The following BMAL2 variants were observed in gnomAD, a reference collection of about 807,000 sequenced individuals.
BMAL2 encodes basic helix-loop-helix ARNT like 2, also known as basic helix-loop-helix ARNT-like protein 2.
chr12:27,351,020 G>C, the BMAL2 span, among the ~76,000 whole-genome samples: 2 of 118,012 alleles, frequency 1.7e-5, no homozygotes, highest in African/African-American at 3.4e-5. Context: ...ACAGGGTCTT[G>C]CTCTGTCATC....
chr12:27,405,155 A>G, the BMAL2 span, among the ~76,000 whole-genome samples: 24 of 152,278 alleles, frequency 1.6e-4, 1 homozygote, highest in South Asian at 4.4e-3. Context: ...CTGCCTCTGT[A>G]GACTCCATCT....
the BMAL2 span, among the ~76,000 whole-genome samples, chr12:27,419,840 TATC>T: frequency 1.3e-5 from 2 of 152,168 alleles, no homozygotes; most frequent in African/African-American, 4.8e-5. Context: ...CTAAATTAAT[TATC>T]ATCTCCATGG....
the BMAL2 span, chr12:27,420,645 G>A: frequency 8.3e-7 from 1 of 1,203,090 alleles, no homozygotes; most frequent in Non-Finnish European, 1.1e-6. Flanking sequence ...TTTTATTAAT[G>A]TTCTACCACT....
chr12:27,398,176 C>T, the BMAL2 span, among the ~76,000 whole-genome samples: 1 of 152,214 alleles, frequency 6.6e-6, no homozygotes, highest in African/African-American at 2.4e-5. Context: ...TCTGCTTCCT[C>T]AAGATTTCAA....
chr12:27,409,050 C>T, the BMAL2 span, among the ~76,000 whole-genome samples: 1 of 152,062 alleles, frequency 6.6e-6, no homozygotes, highest in East Asian at 1.9e-4. Context: ...ATGTGAAGGA[C>T]CTCTTCAAGG....
chr12:27,374,599 A>G, the BMAL2 span, among the ~76,000 whole-genome samples: 1 of 152,218 alleles, frequency 6.6e-6, no homozygotes, highest in Non-Finnish European at 1.5e-5. Context: ...TTCCTTTAAG[A>G]TGGCTAAAAA....
chr12:27,383,274 A>G, the BMAL2 span, among the ~76,000 whole-genome samples: 4 of 152,238 alleles, frequency 2.6e-5, no homozygotes, highest in South Asian at 2.1e-4. Context: ...AGAGTAATGC[A>G]TGTAGAGTAC....
chr12:27,410,891 T>C, the BMAL2 span, among the ~76,000 whole-genome samples: 2 of 152,070 alleles, frequency 1.3e-5, no homozygotes, highest in African/African-American at 2.4e-5. Flanking sequence ...GTAAATTTAA[T>C]TGTATAAAAA....
At chr12:27,338,407 G>A in the BMAL2 span, among the ~76,000 whole-genome samples, 3 of 151,854 alleles carry the variant, frequency 2.0e-5, no homozygotes, top group Non-Finnish European at 2.9e-5. Flanking sequence ...AGGGACCACA[G>A]AAGGCTTTCA....
the BMAL2 span, chr12:27,332,962 A>C: frequency 6.0e-6 from 5 of 833,402 alleles, no homozygotes; most frequent in Admixed American, 5.1e-5. Flanking sequence ...AGGGCCCGCC[A>C]GTCCCCGCTT....
chr12:27,420,573 C>T, the BMAL2 span: 1 of 1,517,014 alleles, frequency 6.6e-7, no homozygotes, highest in Non-Finnish European at 8.8e-7. Flanking sequence ...CATTTTAAAG[C>T]ATTTCATTTA....
chr12:27,338,963 T>G, the BMAL2 span, among the ~76,000 whole-genome samples: 1 of 152,222 alleles, frequency 6.6e-6, no homozygotes, highest in Non-Finnish European at 1.5e-5. Context: ...ATCTTTTTTT[T>G]AACTTTTATT....
the BMAL2 span, chr12:27,389,246 A>C: frequency 1.2e-6 from 2 of 1,612,810 alleles, no homozygotes; most frequent in African/African-American, 2.7e-5. Context: ...GTAAAGGAAC[A>C]ACTTTCTTCT....
chr12:27,379,007 A>G, the BMAL2 span, among the ~76,000 whole-genome samples: 11 of 152,026 alleles, frequency 7.2e-5, no homozygotes, highest in Admixed American at 1.3e-4. Flanking sequence ...CATAAAATAC[A>G]CTAACACTAA....
the BMAL2 span, chr12:27,376,250 ATGAT>A: frequency 9.2e-7 from 1 of 1,088,104 alleles, no homozygotes. Context: ...AGGAATTAGG[ATGAT>A]TGATTGGACT....
At chr12:27,377,044 TC>T in the BMAL2 span, among the ~76,000 whole-genome samples, 1 of 151,302 alleles carries the variant, frequency 6.6e-6, no homozygotes, top group South Asian at 2.1e-4. Context: ...CCTCATGAGT[TC>T]TTTGTCAATT....
At chr12:27,406,666 A>G in the BMAL2 span, among the ~76,000 whole-genome samples, 2 of 152,246 alleles carry the variant, frequency 1.3e-5, no homozygotes, top group Non-Finnish European at 2.9e-5. Flanking sequence ...CATTGAGGCT[A>G]GGAAGAAACT....
chr12:27,343,659 C>T, the BMAL2 span, among the ~76,000 whole-genome samples: 1 of 152,176 alleles, frequency 6.6e-6, no homozygotes, highest in East Asian at 1.9e-4. Flanking sequence ...ACCCTGCATT[C>T]TTCTTTTGTA....
At chr12:27,397,203 T>C in the BMAL2 span, among the ~76,000 whole-genome samples, 3 of 152,154 alleles carry the variant, frequency 2.0e-5, no homozygotes, top group Non-Finnish European at 4.4e-5. Flanking sequence ...CCCAAGTAAC[T>C]GGGACTACAG....
Sources: allele counts gnomAD v4.1 joint callset (sites outside exome capture counted in the v4.1 genomes callset), GRCh38; gene constraint gnomAD v4.1.1; transcripts MANE v1.5; gene names NCBI Gene and HGNC (gene_info 2026-07-23, HGNC 2026-07-21).